Variants in FMN1 observed in about 807,000 individuals in gnomAD.
FMN1 encodes the protein formin-1.
A neutral mutation model predicts 132.4 loss-of-function variants in FMN1; 110 were observed. The ratio of observed to expected loss-of-function variants is 0.83; its 90% CI spans 0.71 to 0.97. The LOEUF (loss-of-function observed/expected upper bound fraction) is 0.97, where lower values mean the gene tolerates loss of function less well. Ranked by LOEUF, FMN1 falls within the 50% of genes least tolerant of loss-of-function variation. The probability of loss-of-function intolerance (pLI) is 0.00; values close to 1 mark genes in which losing one functional copy is unlikely to be tolerated. For missense variants in FMN1, 1,792 were observed against 1,705.3 expected (o/e 1.05, Z -0.90); for synonymous variants, 722 against 651.7 (o/e 1.11, Z -1.64).
intron 4 of FMN1, among the ~76,000 whole-genome samples, chr15:33,130,493 TA>T (rs1963493322): frequency 6.6e-6 from 1 of 152,200 alleles, no homozygotes; most frequent in Admixed American, 6.5e-5. Context: ...TAAGGAGGTT[TA>T]AAAAATTAAG....
intron 19 of FMN1, among the ~76,000 whole-genome samples, chr15:32,779,782 T>C (rs887454469): frequency 3.3e-5 from 5 of 152,200 alleles, no homozygotes; most frequent in African/African-American, 4.8e-5. Context: ...ACTTCTACTA[T>C]TCCCATTTCA....
intron 4 of FMN1, among the ~76,000 whole-genome samples, chr15:33,132,830 C>A (rs1426300585): frequency 6.6e-6 from 1 of 152,136 alleles, no homozygotes; most frequent in South Asian, 2.1e-4. Flanking sequence ...TGGACCTGTA[C>A]CTCTTTGACC....
At chr15:32,910,447 C>T in intron 11 of FMN1, 27 bp downstream of exon 11, 1 of 1,526,688 alleles carries the variant, frequency 6.6e-7, no homozygotes, top group African/African-American at 1.4e-5. Context: ...TATGGAAATA[C>T]TAGCTCTGTA....
chr15:32,955,145 A>G (rs2140523114), intron 9 of FMN1, among the ~76,000 whole-genome samples: 1 of 152,328 alleles, frequency 6.6e-6, no homozygotes, highest in East Asian at 1.9e-4. Context: ...TTTTTGATCA[A>G]ATTAGTTAAT....
chr15:32,798,544 C>G (rs1289069834), intron 19 of FMN1, among the ~76,000 whole-genome samples: 1 of 152,192 alleles, frequency 6.6e-6, no homozygotes, highest in Non-Finnish European at 1.5e-5. Flanking sequence ...TTAGCACAAC[C>G]CTCCTTTCAT....
At chr15:32,929,570 G>T (rs1444393468) in intron 9 of FMN1, among the ~76,000 whole-genome samples, 1 of 152,134 alleles carries the variant, frequency 6.6e-6, no homozygotes, top group Non-Finnish European at 1.5e-5. Context: ...TATACCCACA[G>T]AATAGCAGAT....
Position 32,888,139 on chromosome 15 carries a change from C to T in FMN1, c.3835+33G>A, listed in dbSNP as rs766421696. 2.2e-5 allele frequency: 34 copies of T among 1,557,300 alleles called. No homozygotes were observed. In the South Asian group the frequency reaches 3.8e-4, roughly 18 times the overall value. ...AAACATTTTTTAAAAGTAATCTTAG[C>T]TATTATCATAATAGCAGAACAGTTC... On this transcript the variant is annotated intron_variant, in intron 16 of 20. Coordinates refer to ENST00000616417, the MANE Select transcript of FMN1 (RefSeq NM_001277313.2).
chr15:32,926,263 T>C lies in FMN1; in HGVS notation c.3139-2A>G. The C allele has an allele frequency of 7.1e-7, 1 of 1,410,216 alleles. No individual in the cohort carries two copies. Among genetic ancestry groups the C allele is most frequent in the South Asian group, 1.4e-5 (1 of 71,576 alleles). The allele number at this position is 1,410,216 out of a possible 1,614,324, so 87.4% of individuals were successfully genotyped here. The stretch of plus-strand genomic sequence containing the variant: ...TTTTCCATCCAACAATTTGATGATC[T>C]AAAATTAGAAAAAAAAAAAAAAGAA... On this transcript the variant is annotated splice_acceptor_variant, in intron 9 of 20. Transcript: ENST00000616417. LOFTEE classifies it high-confidence loss of function.
chr15:32,882,686 A>T (rs951492530), intron 16 of FMN1, among the ~76,000 whole-genome samples: 2 of 152,214 alleles, frequency 1.3e-5, no homozygotes, highest in Non-Finnish European at 2.9e-5. Flanking sequence ...ATAAGAAAAA[A>T]TTTTTTAGTG....
intron 15 of FMN1, among the ~76,000 whole-genome samples, chr15:32,888,720 G>A (rs1370584897): frequency 1.3e-5 from 2 of 152,132 alleles, no homozygotes; most frequent in Non-Finnish European, 2.9e-5. Flanking sequence ...AGAAGGTGCT[G>A]GATAAGAAGG....
At chr15:32,971,596 A>T (rs188480037) in intron 7 of FMN1, among the ~76,000 whole-genome samples, 22 of 152,208 alleles carry the variant, frequency 1.4e-4, no homozygotes, top group Admixed American at 1.4e-3. Flanking sequence ...TTTCATTCTA[A>T]TGACTAGTTC....
intron 7 of FMN1, among the ~76,000 whole-genome samples, chr15:32,972,312 CCTT>C (rs1403144412): frequency 1.3e-5 from 2 of 152,120 alleles, no homozygotes; most frequent in Admixed American, 1.3e-4. Context: ...ATACCAAAAT[CCTT>C]CTTAAATTCC....
At chr15:33,144,057 GACTTCAC>G in intron 4 of FMN1, among the ~76,000 whole-genome samples, 1 of 152,288 alleles carries the variant, frequency 6.6e-6, no homozygotes, top group East Asian at 1.9e-4. Flanking sequence ...GAGAAAATGT[GACTTCAC>G]GTGATTCAGA....
chr15:33,169,723 CT>C (rs1157460472), intron 3 of FMN1, among the ~76,000 whole-genome samples: 1,543 of 129,444 alleles, frequency 0.012, 31 homozygotes, highest in African/African-American at 0.038. Context: ...TATAAAAAGC[CT>C]TTTTTTTTTC....
At chr15:33,012,036 A>C (rs2034757130) in intron 6 of FMN1, 1 of 307,376 alleles carries the variant, frequency 3.3e-6, no homozygotes, top group Non-Finnish European at 6.2e-6. Context: ...CCTTAGGCAT[A>C]CATAAGTAAC....
rs887476253 is a variant in FMN1, at chr15:33,153,042, A to G, written c.1867+6T>C. 1.1e-5 allele frequency: 16 copies of G among 1,504,550 alleles called. No homozygotes were observed. Among genetic ancestry groups the G allele is most frequent in the Admixed American group, 4.5e-5 (2 of 44,908 alleles). The allele number at this position is 1,504,550 out of a possible 1,614,324, so 93.2% of individuals were successfully genotyped here. A position where few individuals can be genotyped will look rare whatever the true frequency, so the allele number is the denominator to read the frequency against. The stretch of plus-strand genomic sequence containing the variant: ...TAGATTCAAAGCATCTTAAACAGAG[A>G]CTAACCTGGAGGTGACTGGTGCTGG... On this transcript the variant is annotated splice_donor_region_variant and intron_variant, in intron 4 of 20. Coordinates refer to ENST00000616417, the MANE Select transcript of FMN1 (RefSeq NM_001277313.2).
chr15:33,012,481 G>T, intron 6 of FMN1: 1 of 1,203,520 alleles, frequency 8.3e-7, no homozygotes, highest in Non-Finnish European at 1.2e-6. Context: ...TCACCTAAGA[G>T]ATTATTTTCA....
Position 33,153,818 on chromosome 15 carries a change from G to A in FMN1, c.1097C>T (p.Pro366Leu), listed in dbSNP as rs752933332. The A allele has an allele frequency of 7.2e-6, 11 of 1,536,290 alleles. No individual in the cohort carries two copies. The African/African-American group carries it at 1.5e-4, about 21-fold the overall frequency. The change falls in exon 4 of 21, where the codon CCC becomes CTC. Residue 366 changes from proline to leucine, a missense_variant. By Grantham distance (98) the Pro-to-Leu change is moderately conservative. Transcript: ENST00000616417. ...CGGGAGGGTGAGCAAGTCGGCTTTGGGTACAAACTCAGCGTGGGCTGCTGG... is the reference window on the plus strand; with the variant it reads ...CGGGAGGGTGAGCAAGTCGGCTTTGAGTACAAACTCAGCGTGGGCTGCTGG... Reference protein sequence around the residue: ...IRPAAHAEFVPKADLLTLPGA... With the variant: ...IRPAAHAEFVLKADLLTLPGA...
intron 16 of FMN1, among the ~76,000 whole-genome samples, chr15:32,886,942 C>T (rs1378554710): frequency 2.0e-5 from 3 of 152,134 alleles, no homozygotes; most frequent in Non-Finnish European, 4.4e-5. Context: ...GTTCACATAT[C>T]GCATTTCTAA....
Sources: gnomAD v4.1 joint callset for allele counts (sites outside exome capture counted in the v4.1 genomes callset) on GRCh38, gnomAD v4.1.1 for gene constraint, MANE v1.5 for transcripts, NCBI Gene and HGNC (gene_info 2026-07-23, HGNC 2026-07-21) for gene names.